Variants in ADCY5 observed in about 807,000 individuals in gnomAD.
ADCY5 encodes the protein adenylate cyclase 5.
ADCY5 carries 30 observed loss-of-function variants against 119.7 expected under a neutral mutation model. The observed-to-expected ratio is 0.25, with a 90% CI of 0.19 to 0.34. ADCY5 has a LOEUF of 0.34. ADCY5 is among the 10% of genes least tolerant of loss of function. The pLI, the probability that ADCY5 is intolerant of heterozygous loss-of-function variation, is 1.00. For missense variants in ADCY5, 1,324 were observed against 1,775.2 expected, an observed-to-expected ratio of 0.75 and a Z score of 4.57; for synonymous variants, 753 against 762.2, an observed-to-expected ratio of 0.99 and a Z score of 0.20.
intron 1 of ADCY5, among the ~76,000 whole-genome samples, chr3:123,380,234 C>T (rs749394200): frequency 8.5e-5 from 13 of 152,170 alleles, no homozygotes; most frequent in Non-Finnish European, 1.8e-4. Flanking sequence ...GATTATCAAC[C>T]ACAAACGTTT....
At chr3:123,338,520 G>T (rs550805805) in intron 3 of ADCY5, among the ~76,000 whole-genome samples, 2 of 152,212 alleles carry the variant, frequency 1.3e-5, no homozygotes, top group African/African-American at 4.8e-5. Flanking sequence ...AACTCTGAAG[G>T]CCATTTCCCA....
At chr3:123,428,169 C>T (rs761014327) in intron 1 of ADCY5, among the ~76,000 whole-genome samples, 9 of 152,172 alleles carry the variant, frequency 5.9e-5, no homozygotes, top group Admixed American at 2.6e-4. Flanking sequence ...ATAGCACTCC[C>T]GGTCCCTGGA....
intron 13 of ADCY5, 137 bp from the exon 14 acceptor site, chr3:123,303,356 A>C: frequency 9.9e-7 from 1 of 1,005,820 alleles, no homozygotes; most frequent in Non-Finnish European, 1.5e-6. Flanking sequence ...ACAAAATCTG[A>C]AAGAGTCTGA....
At chr3:123,318,696 G>C (rs1941053197) in intron 10 of ADCY5, among the ~76,000 whole-genome samples, 1 of 152,156 alleles carries the variant, frequency 6.6e-6, no homozygotes, top group African/African-American at 2.4e-5. Flanking sequence ...GCTTCACCTT[G>C]CTAATTCAGT....
chr3:123,447,389 C>A, intron 1 of ADCY5, 23 bp downstream of exon 1: 1 of 1,517,926 alleles, frequency 6.6e-7, no homozygotes, highest in Non-Finnish European at 8.8e-7. Context: ...CAATCCAGTC[C>A]CGGTGGCCAG....
chr3:123,357,256 G>T (rs62263789), intron 1 of ADCY5, among the ~76,000 whole-genome samples: 1 of 151,990 alleles, frequency 6.6e-6, no homozygotes, highest in African/African-American at 2.4e-5. Context: ...AAAAAAAAGG[G>T]CAGGAGTCAT....
intron 1 of ADCY5, among the ~76,000 whole-genome samples, chr3:123,401,334 G>A (rs1440567665): frequency 6.6e-5 from 10 of 152,184 alleles, no homozygotes; most frequent in Admixed American, 6.5e-4. Flanking sequence ...ACAAGCACCT[G>A]AGGGCTGGGG....
At chr3:123,310,297 G>A (rs1184787188) in intron 12 of ADCY5, among the ~76,000 whole-genome samples, 4 of 152,066 alleles carry the variant, frequency 2.6e-5, no homozygotes, top group Non-Finnish European at 5.9e-5. Context: ...TTGGGCGGTG[G>A]CGGCAAAAGT....
chr3:123,310,107 C>T (rs1576553151), intron 12 of ADCY5, among the ~76,000 whole-genome samples: 1 of 114,224 alleles, frequency 8.8e-6, no homozygotes, highest in East Asian at 2.2e-4. Flanking sequence ...GAGATTTACA[C>T]ACACACACAC....
At chr3:123,289,725 C>T (rs759661945) in intron 19 of ADCY5, 25 bp downstream of exon 19, 2 of 1,611,588 alleles carry the variant, frequency 1.2e-6, no homozygotes, top group African/African-American at 1.3e-5. Flanking sequence ...ACCCTGGGCT[C>T]AGCACTCCCT....
chr3:123,356,528 T>C (rs1943043869), intron 1 of ADCY5, among the ~76,000 whole-genome samples: 2 of 152,330 alleles, frequency 1.3e-5, no homozygotes, highest in South Asian at 4.1e-4. Flanking sequence ...AATATTCATA[T>C]GATAAAAACA....
At chr3:123,378,013 G>T (rs1024151443) in intron 1 of ADCY5, among the ~76,000 whole-genome samples, 19 of 151,984 alleles carry the variant, frequency 1.3e-4, no homozygotes, top group African/African-American at 3.4e-4. Context: ...AATCAAACTG[G>T]TATGAGCTTT....
intron 3 of ADCY5, among the ~76,000 whole-genome samples, chr3:123,343,638 G>T (rs1052090672): frequency 2.6e-5 from 4 of 152,142 alleles, no homozygotes. Context: ...CCCAGGCAGA[G>T]CTCCAGGAGC....
intron 1 of ADCY5, among the ~76,000 whole-genome samples, chr3:123,388,318 C>A (rs1212729274): frequency 3.3e-5 from 5 of 152,130 alleles, no homozygotes; most frequent in Non-Finnish European, 7.3e-5. Flanking sequence ...GTATGACCAA[C>A]TGAAAGTGGG....
rs777800836 is a variant in ADCY5, at chr3:123,289,738, G to T, written c.3532+12C>A. On this transcript the variant is annotated intron_variant, in intron 19 of 20. Transcript: ENST00000462833. ...GCACCCTGGGCTCAGCACTCCCTGG[G>T]CCCCCACTCACCGATCTTCATCTGG... 28 of 1,612,740 alleles carry T rather than the reference G, an allele frequency of 1.7e-5. No homozygotes were observed. Among genetic ancestry groups the T allele is most frequent in the Non-Finnish European group, 2.2e-5 (26 of 1,179,798 alleles).
intron 17 of ADCY5, among the ~76,000 whole-genome samples, chr3:123,292,024 AT>A (rs967310283): frequency 6.6e-6 from 1 of 152,054 alleles, no homozygotes; most frequent in Non-Finnish European, 1.5e-5. Flanking sequence ...GGTCTATGGG[AT>A]TTTTTGGTCA....
intron 1 of ADCY5, among the ~76,000 whole-genome samples, chr3:123,373,780 C>T (rs552752400): frequency 5.8e-5 from 8 of 136,772 alleles, no homozygotes; most frequent in Admixed American, 3.6e-4. Flanking sequence ...CCGACCCCCC[C>T]GCAGGTAGCA....
intron 1 of ADCY5, among the ~76,000 whole-genome samples, chr3:123,377,830 TGA>T (rs1426094926): frequency 6.9e-6 from 1 of 145,872 alleles, no homozygotes; most frequent in Non-Finnish European, 1.5e-5. Flanking sequence ...CTCGGGAGGC[TGA>T]GACAGAAGAA....
chr3:123,390,078 T>C (rs1302348225), intron 1 of ADCY5, among the ~76,000 whole-genome samples: 1 of 152,064 alleles, frequency 6.6e-6, no homozygotes, highest in East Asian at 1.9e-4. Context: ...TGACTGCCAA[T>C]CCCTGAGCCA....
Sources: allele counts gnomAD v4.1 joint callset (sites outside exome capture counted in the v4.1 genomes callset), GRCh38; gene constraint gnomAD v4.1.1; transcripts MANE v1.5; gene names NCBI Gene and HGNC (gene_info 2026-07-23, HGNC 2026-07-21).